NIBAN2: variants seen among roughly 807,000 people sequenced by gnomAD.
NIBAN2 encodes protein Niban 2.
A neutral mutation model predicts 81.8 loss-of-function variants in NIBAN2; 36 were observed. The observed-to-expected ratio is 0.44, with a 90% CI of 0.34 to 0.58. The LOEUF (loss-of-function observed/expected upper bound fraction) is 0.58. Ranked by LOEUF, NIBAN2 falls within the 20% of genes least tolerant of loss-of-function variation. The pLI is 0.02. For missense variants in NIBAN2, 897 were observed against 1,014.1 expected, an observed-to-expected ratio of 0.88 and a Z score of 1.57; for synonymous variants, 445 against 441.6, an observed-to-expected ratio of 1.01 and a Z score of -0.10.
Position 127,509,046 on chromosome 9 carries a change from C to A in NIBAN2, c.1247G>T (p.Gly416Val). 1 of 1,613,842 alleles carries A rather than the reference C, an allele frequency of 6.2e-7. No individual in the cohort carries two copies. Among genetic ancestry groups the A allele is most frequent in the South Asian group, 1.1e-5 (1 of 91,062 alleles). Reference sequence around the variant, plus strand: ...GGACACATCAAATCGCTGCTGCAGCCCGTCCAGTCGCAGCGACTCCATCTT... The same window carrying A: ...GGACACATCAAATCGCTGCTGCAGCACGTCCAGTCGCAGCGACTCCATCTT... Reference protein sequence around the residue: ...YEKMESLRLDGLQQRFDVSST... With the variant: ...YEKMESLRLDVLQQRFDVSST... Residue 416 changes from glycine to valine, a missense_variant, in exon 10 of 14, where the codon GGG (glycine) becomes GTG (valine). Around this residue, in one of 3 missense-constraint regions of NIBAN2, gnomAD observed 619 missense variants for 691.0 expected, o/e 0.90. Coordinates refer to ENST00000373312, the MANE Select transcript of NIBAN2 (RefSeq NM_022833.4).
chr9:127,567,961 C>G (rs1370399484), intron 1 of NIBAN2, among the ~76,000 whole-genome samples: 1 of 152,184 alleles, frequency 6.6e-6, no homozygotes, highest in East Asian at 1.9e-4. Flanking sequence ...AGAGATCGGC[C>G]AGAGAGGAGT....
chr9:127,567,248 G>A (rs1363477379), intron 1 of NIBAN2, among the ~76,000 whole-genome samples: 1 of 152,076 alleles, frequency 6.6e-6, no homozygotes, highest in Non-Finnish European at 1.5e-5. Flanking sequence ...CAGGCCCCTC[G>A]AGGGGCCTCA....
intron 1 of NIBAN2, among the ~76,000 whole-genome samples, chr9:127,566,170 T>C (rs750890377): frequency 2.1e-4 from 32 of 152,216 alleles, no homozygotes; most frequent in Admixed American, 1.1e-3. Context: ...GCAGGCATTA[T>C]ACTGGGACCT....
At chr9:127,528,077 G>C (rs1203483295) in intron 2 of NIBAN2, among the ~76,000 whole-genome samples, 1 of 152,326 alleles carries the variant, frequency 6.6e-6, no homozygotes, top group East Asian at 1.9e-4. Flanking sequence ...CTGTAAAATG[G>C]GAACAGTAAG....
chr9:127,517,797 G>A lies in NIBAN2; in HGVS notation c.705+29C>T. Reference sequence around the variant, plus strand: ...TGCTGGGTCCTTGGGTGACTTCTGAGGTTTCCTCACCAGCCCGTCTGGCCT... The same window carrying A: ...TGCTGGGTCCTTGGGTGACTTCTGAAGTTTCCTCACCAGCCCGTCTGGCCT... On this transcript the variant is annotated intron_variant, in intron 6 of 13. Coordinates refer to ENST00000373312, the MANE Select transcript of NIBAN2 (RefSeq NM_022833.4). This position sits in a 1 kb window ranked among gnomAD's most constrained non-coding sequence, Gnocchi z 4.0. 6.4e-7 allele frequency: 1 copy of A among 1,569,912 alleles called. No homozygotes were observed. Among genetic ancestry groups the A allele is most frequent in the African/African-American group, 1.3e-5 (1 of 74,076 alleles).
At chr9:127,522,702 A>C (rs1337339942) in intron 5 of NIBAN2, among the ~76,000 whole-genome samples, 1 of 151,516 alleles carries the variant, frequency 6.6e-6, no homozygotes, top group Non-Finnish European at 1.5e-5. Context: ...TCTGCCTGGA[A>C]CACTCCTCCC....
Position 127,507,199 on chromosome 9 carries a change from CTCA to C in NIBAN2, c.1884_1886del (p.Asp628del). 6.2e-7 allele frequency: 1 copy of C among 1,613,194 alleles called. No homozygotes were observed. Among genetic ancestry groups the C allele is most frequent in the East Asian group, 2.2e-5 (1 of 44,872 alleles). On this transcript the variant is annotated inframe_deletion, in exon 14 of 14. Coordinates refer to ENST00000373312, the MANE Select transcript of NIBAN2 (RefSeq NM_022833.4). This position sits in a 1 kb window ranked among gnomAD's most constrained non-coding sequence, Gnocchi z 6.8. ...TAGCCTCAAAGGGCAGCCCCACCTC[CTCA>C]TCCTGGACCACAGAGACCACCTGCT... is the stretch of plus-strand genomic sequence containing the variant.
chr9:127,539,888 C>T (rs750944499), intron 1 of NIBAN2, among the ~76,000 whole-genome samples: 2 of 152,184 alleles, frequency 1.3e-5, no homozygotes, highest in Non-Finnish European at 1.5e-5. Context: ...AGCTGTGTGG[C>T]CTTGGCTAAG....
rs1837464067 is a variant in NIBAN2, at chr9:127,545,969, G to A, written c.56-14191C>T. 6.6e-6 allele frequency among the ~76,000 whole-genome samples: 1 copy of A among 152,252 alleles called. No homozygotes were observed. The highest frequency in any genetic ancestry group is 2.4e-5 in the African/African-American group (1 of 41,558). On this transcript the variant is annotated intron_variant, in intron 1 of 13. Transcript: ENST00000373312. The surrounding 1 kb of genome is among the most constrained non-coding windows in gnomAD (Gnocchi z 4.7). ...AGGATGAGGCATGCCTGCCGTCTGG[G>A]AACACAGATCCTCGCTGGGAGGGCA...
Position 127,552,696 on chromosome 9 carries a change from T to TG in NIBAN2, c.55+16123_55+16124insC, listed in dbSNP as rs1352254594. 2.1e-4 allele frequency among the ~76,000 whole-genome samples: 30 copies of TG among 142,054 alleles called. No homozygotes were observed. In the East Asian group the frequency reaches 3.3e-3, roughly 15 times the overall value. The allele number at this position is 142,054 out of a possible 152,430, so 93.2% of individuals were successfully genotyped here. On this transcript the variant is annotated intron_variant, in intron 1 of 13. Transcript: ENST00000373312. ...TAATGGAATATTCGTTTTTTTTTTTTTTTTTTTTTTGAGACAGAGTCTTGC... is the reference window on the plus strand; with the variant it reads ...TAATGGAATATTCGTTTTTTTTTTTTGTTTTTTTTTTGAGACAGAGTCTTGC...
At chr9:127,534,057 T>C (rs1284860325) in intron 1 of NIBAN2, among the ~76,000 whole-genome samples, 1 of 152,176 alleles carries the variant, frequency 6.6e-6, no homozygotes, top group Non-Finnish European at 1.5e-5. Context: ...CTCGGACCCA[T>C]GAGGGGAGAG....
intron 1 of NIBAN2, among the ~76,000 whole-genome samples, chr9:127,539,999 C>G (rs1449468522): frequency 6.6e-6 from 1 of 152,136 alleles, no homozygotes; most frequent in Non-Finnish European, 1.5e-5. Flanking sequence ...AGCATGAAGC[C>G]CTTTACCCTG....
At chr9:127,575,124 C>T (rs1485708548) in intron 1 of NIBAN2, among the ~76,000 whole-genome samples, 4 of 152,200 alleles carry the variant, frequency 2.6e-5, no homozygotes, top group African/African-American at 9.7e-5. Flanking sequence ...GGGCCCCTGC[C>T]AGTCCCTCCC....
intron 2 of NIBAN2, among the ~76,000 whole-genome samples, chr9:127,530,973 A>T (rs556939501): frequency 1.3e-3 from 195 of 152,118 alleles, no homozygotes; most frequent in African/African-American, 4.5e-3. Flanking sequence ...TGAGCCCAGG[A>T]GTTTGAGACC....
intron 1 of NIBAN2, among the ~76,000 whole-genome samples, chr9:127,554,078 A>G (rs1044785924): frequency 1.3e-5 from 2 of 152,150 alleles, no homozygotes; most frequent in African/African-American, 4.8e-5. Context: ...CCACAGTCCT[A>G]TCTGCTCACA....
At chr9:127,516,357 CA>C (rs1429484513) in intron 8 of NIBAN2, among the ~76,000 whole-genome samples, 7 of 152,084 alleles carry the variant, frequency 4.6e-5, no homozygotes, top group African/African-American at 1.7e-4. Flanking sequence ...TCAGCCTGGC[CA>C]ACATGGTGAA....
intron 1 of NIBAN2, among the ~76,000 whole-genome samples, chr9:127,547,386 G>A (rs922717760): frequency 1.3e-5 from 2 of 152,078 alleles, no homozygotes; most frequent in Admixed American, 6.6e-5. Flanking sequence ...GCATGGTGGC[G>A]CATGCCTATA....
chr9:127,516,830 C>T (rs759858283), intron 8 of NIBAN2, 27 bp downstream of exon 8: 11 of 1,598,396 alleles, frequency 6.9e-6, no homozygotes, highest in Non-Finnish European at 9.4e-6. Flanking sequence ...CCTGGAGGGC[C>T]CGTCGAGCAC....
At chr9:127,521,820 C>T (rs1190269728) in intron 5 of NIBAN2, among the ~76,000 whole-genome samples, 1 of 152,220 alleles carries the variant, frequency 6.6e-6, no homozygotes, top group Non-Finnish European at 1.5e-5. Context: ...AGAACTCCCC[C>T]ATGGCCTCCC....
Sources: allele counts gnomAD v4.1 joint callset (sites outside exome capture counted in the v4.1 genomes callset), GRCh38; gene constraint gnomAD v4.1.1; regional missense constraint gnomAD v4.1.1; non-coding constraint Gnocchi (gnomAD v3.1); transcripts MANE v1.5; gene names NCBI Gene and HGNC (gene_info 2026-07-23, HGNC 2026-07-21).